OSBPL2: variants seen among roughly 807,000 people sequenced by gnomAD.
The protein encoded by OSBPL2 is oxysterol binding protein like 2, also known as oxysterol-binding protein-related protein 2.
OSBPL2 carries 18 observed loss-of-function variants against 58.4 expected under a neutral mutation model. That is an observed-to-expected ratio of 0.31 (90% confidence interval 0.21 to 0.46). The LOEUF is 0.46. Ranked by LOEUF, OSBPL2 falls within the 20% of genes least tolerant of loss-of-function variation. The pLI is 1.00. For synonymous variants in OSBPL2, 221 were observed against 234.1 expected (o/e 0.94, Z 0.51); for missense variants, 461 against 616.5 (o/e 0.75, Z 2.67).
chr20:62,240,123 G>T (rs1277328200), intron 1 of OSBPL2, among the ~76,000 whole-genome samples: 1 of 152,152 alleles, frequency 6.6e-6, no homozygotes, highest in Non-Finnish European at 1.5e-5. Context: ...AAAGTGCTAG[G>T]ATTCCAGGTG....
At chr20:62,275,926 T>TC (rs1982361488) in intron 6 of OSBPL2, among the ~76,000 whole-genome samples, 1 of 151,530 alleles carries the variant, frequency 6.6e-6, no homozygotes, top group African/African-American at 2.4e-5. Flanking sequence ...TTTTTTTTTT[T>TC]TGAGACGGAA....
chr20:62,264,757 T>C (rs1396159430), intron 4 of OSBPL2: 1 of 152,256 alleles, frequency 6.6e-6, no homozygotes, highest in Non-Finnish European at 1.5e-5. Context: ...TAGCTCCACA[T>C]GTCACTTGTA....
chr20:62,257,715 A>ATTTT (rs536036293), intron 2 of OSBPL2, among the ~76,000 whole-genome samples: 8 of 129,236 alleles, frequency 6.2e-5, no homozygotes, highest in Non-Finnish European at 1.2e-4. Flanking sequence ...ACCTCTGGCC[A>ATTTT]TTTTTTTTTT....
In OSBPL2 at chr20:62,273,360, G is replaced by A. The variant is rs909094863; in HGVS notation, c.445G>A (p.Gly149Ser). 6.9e-6 allele frequency: 11 copies of A among 1,603,988 alleles called. No homozygotes were observed. The highest frequency in any genetic ancestry group is 2.3e-5 in the East Asian group (1 of 44,096). The stretch of plus-strand genomic sequence containing the variant: ...TGTGGCTTCCCAGTGGGAGAGGACC[G>A]GCAAACCATTTAATCCACTCTTGGG... ...SAVASQWERT[G>S]KPFNPLLGET... Residue 149 changes from glycine (G) to serine (S), a missense_variant, in exon 6 of 14, where the codon GGC becomes AGC. Physicochemically the swap from Gly to Ser is moderately conservative, Grantham distance 56. Around this residue, in one of 5 missense-constraint regions of OSBPL2, gnomAD observed 4 missense variants for 31.1 expected, o/e 0.13. Coordinates refer to ENST00000313733, the MANE Select transcript of OSBPL2 (RefSeq NM_144498.4).
intron 6 of OSBPL2, among the ~76,000 whole-genome samples, chr20:62,275,912 A>T (rs1249497995): frequency 3.5e-5 from 5 of 143,222 alleles, no homozygotes; most frequent in Non-Finnish European, 4.5e-5. Flanking sequence ...ATGATTGAGA[A>T]TTTTTTTTTT....
intron 2 of OSBPL2, among the ~76,000 whole-genome samples, chr20:62,257,784 A>G (rs1314867039): frequency 2.0e-5 from 3 of 147,266 alleles, no homozygotes; most frequent in African/African-American, 7.6e-5. Flanking sequence ...GCGTGATCTC[A>G]GCTCACTGCA....
intron 11 of OSBPL2, among the ~76,000 whole-genome samples, chr20:62,287,943 C>CGGGGCAGGTGGTTGACTCACACCTGA (rs1223639509): frequency 1.3e-5 from 2 of 152,070 alleles, no homozygotes; most frequent in Non-Finnish European, 2.9e-5. Context: ...AGGAGGGAGG[C>CGGGGCAGGTGGTTGACTCACACCTGA]GGGGCAGGTG....
At chr20:62,247,072 T>G (rs981189145) in intron 1 of OSBPL2, among the ~76,000 whole-genome samples, 5 of 152,138 alleles carry the variant, frequency 3.3e-5, no homozygotes, top group Non-Finnish European at 7.4e-5. Flanking sequence ...GTGGCTTTGG[T>G]TTGCTCCTTG....
At chr20:62,267,236 C>A (rs1981738658) in intron 4 of OSBPL2, among the ~76,000 whole-genome samples, 2 of 152,180 alleles carry the variant, frequency 1.3e-5, no homozygotes, top group Non-Finnish European at 2.9e-5. Context: ...CAGAGTGAGA[C>A]CCTGTCTCTA....
At chr20:62,281,229 G>A (rs1982763574) in intron 8 of OSBPL2, 64 bp downstream of exon 8, 3 of 1,202,336 alleles carry the variant, frequency 2.5e-6, no homozygotes, top group Non-Finnish European at 3.7e-6. Flanking sequence ...GAGCCGGGGA[G>A]CGTGAGCATC....
At chr20:62,282,673 G>A (rs758691452) in intron 9 of OSBPL2, among the ~76,000 whole-genome samples, 3 of 152,096 alleles carry the variant, frequency 2.0e-5, no homozygotes, top group African/African-American at 4.8e-5. Flanking sequence ...CTAAAAATAC[G>A]AAAATTAGCC....
intron 2 of OSBPL2, among the ~76,000 whole-genome samples, chr20:62,259,378 G>C (rs930736373): frequency 6.6e-6 from 1 of 152,202 alleles, no homozygotes; most frequent in Non-Finnish European, 1.5e-5. Context: ...TGCATGGCTG[G>C]ATCTCACTCA....
rs1290433956 is a variant in OSBPL2, at chr20:62,288,469, CGGAGGCTGTGGGTGCAGAGGCTG to C, written c.1126-716_1126-694del. Among the ~76,000 whole-genome samples, 7 of 131,556 alleles carry C rather than the reference CGGAGGCTGTGGGTGCAGAGGCTG, an allele frequency of 5.3e-5. No homozygotes were observed. The highest frequency in any genetic ancestry group is 2.4e-4 in the South Asian group (1 of 4,108). The allele number at this position is 131,556 out of a possible 152,430, so 86.3% of individuals were successfully genotyped here. Reference sequence around the variant, plus strand: ...GCTGGGAGGCTGTGGGTACAGAGGCCGGAGGCTGTGGGTGCAGAGGCTGGGAGGCTGTGGGTGCAGAGGCCGGA... The same window carrying C: ...GCTGGGAGGCTGTGGGTACAGAGGCCGGAGGCTGTGGGTGCAGAGGCCGGA... On this transcript the variant is annotated intron_variant, in intron 11 of 13. Transcript: ENST00000313733. The surrounding 1 kb of genome is among the most constrained non-coding windows in gnomAD (Gnocchi z 4.8).
At chr20:62,290,416 T>G (rs955746710) in intron 12 of OSBPL2, among the ~76,000 whole-genome samples, 1 of 132,390 alleles carries the variant, frequency 7.6e-6, no homozygotes, top group Non-Finnish European at 1.6e-5. Context: ...TTTGGGTTTT[T>G]TTTTTTTTTT....
rs1983146290 is a variant in OSBPL2 at position 62,286,636 on chromosome 20, C to T, written c.1050C>T (p.Ala350=). The T allele has an allele frequency of 6.2e-7, 1 of 1,613,744 alleles. No individual in the cohort carries two copies. The highest frequency in any genetic ancestry group is 1.1e-5 in the South Asian group (1 of 91,082). Residue 350 remains alanine (A), a synonymous_variant, in exon 11 of 14, where the codon GCC becomes GCT. Coordinates refer to ENST00000313733, the MANE Select transcript of OSBPL2 (RefSeq NM_144498.4). ...ACGTGGCTGACGACGTGCCTGTGGC[C>T]CAGGAGACCGTGCAGGTCATTCCTG... The part of the protein sequence containing the change: ...DSDVADDVPV[A]QETVQVIPGS...
intron 1 of OSBPL2, among the ~76,000 whole-genome samples, chr20:62,253,255 C>T (rs983475812): frequency 6.6e-6 from 1 of 152,228 alleles, no homozygotes; most frequent in Middle Eastern, 3.2e-3. Context: ...TGTTACCTGG[C>T]GACAGTGGCA....
intron 3 of OSBPL2, among the ~76,000 whole-genome samples, chr20:62,262,468 C>G (rs539795994): frequency 6.6e-6 from 1 of 152,402 alleles, no homozygotes; most frequent in South Asian, 2.1e-4. Flanking sequence ...TGCAGAGCCA[C>G]TTTCCCCTCC....
rs148766998 is a variant in OSBPL2 at position 62,281,107 on chromosome 20, G to A, written c.724G>A (p.Val242Ile). ...WTNPTCCVHN[V>I]IIGKLWIEQY... Reference sequence around the variant, plus strand: ...CAACCCCACCTGCTGCGTCCACAACGTCATCATCGGGAAGCTGTGGATAGA... The same window carrying A: ...CAACCCCACCTGCTGCGTCCACAACATCATCATCGGGAAGCTGTGGATAGA... Residue 242 changes from valine (V) to isoleucine (I), a missense_variant, in exon 8 of 14, where the codon GTC becomes ATC. This residue lies in a region of OSBPL2 where 319 missense variants were observed against 419.2 expected (regional missense o/e 0.76). Coordinates refer to ENST00000313733, the MANE Select transcript of OSBPL2 (RefSeq NM_144498.4). 60 of 1,614,090 alleles carry A rather than the reference G, an allele frequency of 3.7e-5. No individual in the cohort carries two copies. Among genetic ancestry groups the A allele is most frequent in the Non-Finnish European group, 4.7e-5 (56 of 1,180,030 alleles).
chr20:62,251,216 C>T (rs1053411923), intron 1 of OSBPL2, among the ~76,000 whole-genome samples: 6 of 150,952 alleles, frequency 4.0e-5, no homozygotes, highest in African/African-American at 7.3e-5. Context: ...CCACCACGCC[C>T]GGCTAATTTT....
Sources: gnomAD v4.1 joint callset for allele counts (sites outside exome capture counted in the v4.1 genomes callset) on GRCh38, gnomAD v4.1.1 for gene constraint, gnomAD v4.1.1 regional missense constraint, Gnocchi (gnomAD v3.1) non-coding constraint, MANE v1.5 for transcripts, NCBI Gene and HGNC (gene_info 2026-07-23, HGNC 2026-07-21) for gene names.